Variants in PTPRM observed in about 807,000 individuals in gnomAD.
PTPRM encodes protein tyrosine phosphatase receptor type M.
Under a neutral mutation model 186.7 loss-of-function variants are expected in PTPRM, and 47 were observed. That is an observed-to-expected ratio of 0.25 (90% CI 0.20 to 0.32). The LOEUF is 0.32. Among genes scored for constraint, PTPRM ranks in the 10% least tolerant of loss-of-function variants. The pLI is 1.00. For missense variants in PTPRM, 1,494 were observed against 1,865.0 expected (o/e 0.80, Z 3.66); for synonymous variants, 668 against 674.9 (o/e 0.99, Z 0.16).
chr18:8,261,878 G>T (rs973635412), intron 19 of PTPRM, among the ~76,000 whole-genome samples: 3 of 152,170 alleles, frequency 2.0e-5, no homozygotes, highest in African/African-American at 7.2e-5. Context: ...CCTGAAAGAA[G>T]TTAAGCAATT....
rs753808081 is a variant in PTPRM, at chr18:8,379,195, G to A, written c.3641G>A (p.Arg1214Gln). Residue 1214 changes from arginine (R) to glutamine (Q), a missense_variant, in exon 28 of 33, where the codon CGA (arginine) becomes CAA (glutamine). Physicochemically the swap from Arg to Gln is conservative, Grantham distance 43. This residue lies in a region of PTPRM where 1,107 missense variants were observed against 1,350.2 expected (regional missense o/e 0.82). Coordinates refer to ENST00000580170, the MANE Select transcript of PTPRM (RefSeq NM_001105244.2). ...CTAAACATGGTGACACCAACGCTGC[G>A]AGTAGAGGACTGCAGCATCGCACTG... is the stretch of plus-strand genomic sequence containing the variant. The part of the protein sequence containing the change: ...RTLNMVTPTL[R>Q]VEDCSIALLP... 8.7e-5 allele frequency: 141 copies of A among 1,612,062 alleles called. 2 individuals are homozygous for A. In the South Asian group the frequency reaches 1.2e-3, roughly 14 times the overall value.
chr18:7,798,939 A>G (rs908514999), intron 2 of PTPRM, among the ~76,000 whole-genome samples: 5 of 152,308 alleles, frequency 3.3e-5, no homozygotes, highest in African/African-American at 1.2e-4. Context: ...TGCACCGGTA[A>G]TTACACAGAC....
At chr18:8,223,372 G>A (rs1213381625) in intron 14 of PTPRM, among the ~76,000 whole-genome samples, 1 of 152,152 alleles carries the variant, frequency 6.6e-6, no homozygotes, top group African/African-American at 2.4e-5. Context: ...CAAGTCAGTG[G>A]CCTAAAGTTG....
chr18:7,914,275 G>T (rs2050427898), intron 4 of PTPRM, among the ~76,000 whole-genome samples: 1 of 152,120 alleles, frequency 6.6e-6, no homozygotes, highest in African/African-American at 2.4e-5. Context: ...TTCTTCTTAA[G>T]ATAGAGTCGA....
chr18:7,852,676 C>T (rs1188584827), intron 2 of PTPRM, among the ~76,000 whole-genome samples: 2 of 151,416 alleles, frequency 1.3e-5, no homozygotes. Context: ...CAGAGCGAGA[C>T]TCCCTCTCAA....
At chr18:8,176,647 A>G (rs530270393) in intron 14 of PTPRM, among the ~76,000 whole-genome samples, 2 of 152,370 alleles carry the variant, frequency 1.3e-5, no homozygotes, top group African/African-American at 2.4e-5. Flanking sequence ...GATCGTCCAC[A>G]TGACTTGCAG....
intron 18 of PTPRM, among the ~76,000 whole-genome samples, 180 bp from the exon 19 acceptor site, chr18:8,253,047 C>G (rs567763985): frequency 6.6e-6 from 1 of 152,298 alleles, no homozygotes; most frequent in Non-Finnish European, 1.5e-5. Flanking sequence ...GCATTCTTAT[C>G]AGTATTGCCA....
At chr18:8,252,365 A>G in intron 17 of PTPRM, 123 bp from the exon 18 acceptor site, 1 of 854,258 alleles carries the variant, frequency 1.2e-6, no homozygotes, top group Non-Finnish European at 2.0e-6. Flanking sequence ...CTGAATAGAA[A>G]ACTTAACTGG....
At chr18:7,968,547 G>C (rs1271991464) in intron 7 of PTPRM, among the ~76,000 whole-genome samples, 1 of 40,810 alleles carries the variant, frequency 2.5e-5, no homozygotes, top group Non-Finnish European at 4.6e-5. Flanking sequence ...TCAGTGTGCT[G>C]TATTCAGGAA....
At chr18:8,390,504 A>G (rs181806785) in intron 31 of PTPRM, among the ~76,000 whole-genome samples, 1 of 152,354 alleles carries the variant, frequency 6.6e-6, no homozygotes, top group Non-Finnish European at 1.5e-5. Context: ...GGAGACTTTT[A>G]TAATACATGT....
chr18:7,687,870 C>A (rs917027109), intron 1 of PTPRM, among the ~76,000 whole-genome samples: 1 of 151,640 alleles, frequency 6.6e-6, no homozygotes, highest in Non-Finnish European at 1.5e-5. Context: ...CTCCGCCTCC[C>A]GGGTTCAAGT....
chr18:7,743,068 A>G (rs1316274037), intron 1 of PTPRM, among the ~76,000 whole-genome samples: 1 of 152,208 alleles, frequency 6.6e-6, no homozygotes, highest in East Asian at 1.9e-4. Context: ...TAACCATTAA[A>G]GGAGTCTGGT....
intron 1 of PTPRM, among the ~76,000 whole-genome samples, chr18:7,602,892 A>G (rs2037438744): frequency 7.0e-6 from 1 of 142,010 alleles, no homozygotes; most frequent in Admixed American, 7.1e-5. Context: ...ATATCTAAGA[A>G]CGATGTATTT....
intron 14 of PTPRM, among the ~76,000 whole-genome samples, chr18:8,230,671 C>T (rs536610004): frequency 1.6e-4 from 24 of 152,152 alleles, no homozygotes; most frequent in Admixed American, 4.6e-4. Context: ...AATCTGAAGC[C>T]CTACATAAAT....
intron 20 of PTPRM, among the ~76,000 whole-genome samples, chr18:8,306,017 C>T (rs2095217901): frequency 6.6e-6 from 1 of 152,072 alleles, no homozygotes; most frequent in Non-Finnish European, 1.5e-5. Flanking sequence ...CCTGCCTCAG[C>T]CTCCCAAGTA....
At chr18:7,689,653 A>C (rs577648537) in intron 1 of PTPRM, among the ~76,000 whole-genome samples, 18 of 152,368 alleles carry the variant, frequency 1.2e-4, no homozygotes, top group African/African-American at 4.3e-4. Flanking sequence ...GAGCAGGATG[A>C]ATGGGAACTT....
chr18:7,582,500 A>G (rs867770118), intron 1 of PTPRM, among the ~76,000 whole-genome samples: 1 of 152,164 alleles, frequency 6.6e-6, no homozygotes, highest in African/African-American at 2.4e-5. Context: ...GCCTAGAATC[A>G]AGGGTGGGGA....
chr18:7,579,866 T>C (rs1567965202), intron 1 of PTPRM, among the ~76,000 whole-genome samples: 2 of 152,164 alleles, frequency 1.3e-5, no homozygotes, highest in African/African-American at 2.4e-5. Context: ...AGGTGCCCCA[T>C]AAGGATGGAC....
In PTPRM at chr18:8,376,557, G is replaced by A. The variant is rs2095696477; in HGVS notation, c.3422G>A (p.Arg1141Lys). 2 of 1,613,854 alleles carry A rather than the reference G, an allele frequency of 1.2e-6. No individual in the cohort carries two copies. The highest frequency in any genetic ancestry group is 2.7e-5 in the African/African-American group (2 of 74,888). ...EGVVDIYNCV[R>K]ELRSRRVNMV... Reference sequence around the variant, plus strand: ...GTCGTAGACATCTACAACTGCGTCAGGGAGCTGCGGTCACGGAGGGTGAAC... The same window carrying A: ...GTCGTAGACATCTACAACTGCGTCAAGGAGCTGCGGTCACGGAGGGTGAAC... The change falls in exon 26 of 33, where the codon AGG becomes AAG. Residue 1141 changes from arginine to lysine, a missense_variant. Physicochemically the swap from Arg to Lys is conservative, Grantham distance 26. Around this residue, in one of 3 missense-constraint regions of PTPRM, gnomAD observed 1,107 missense variants for 1,350.2 expected, o/e 0.82. Transcript: ENST00000580170.
Sources: gnomAD v4.1 joint callset for allele counts (sites outside exome capture counted in the v4.1 genomes callset) on GRCh38, gnomAD v4.1.1 for gene constraint, gnomAD v4.1.1 regional missense constraint, MANE v1.5 for transcripts, NCBI Gene and HGNC (gene_info 2026-07-23, HGNC 2026-07-21) for gene names.